SCARB1: variants seen among roughly 807,000 people sequenced by gnomAD.
SCARB1 encodes the protein CD36 and LIMPII analogous 1.
In SCARB1, 30 loss-of-function variants were observed where a neutral mutation model predicts 57.2. The ratio of observed to expected loss-of-function variants is 0.52; its 90% CI spans 0.39 to 0.71. The LOEUF (loss-of-function observed/expected upper bound fraction) is 0.71. SCARB1 is among the 30% of genes least tolerant of loss of function. The pLI is 0.00. For missense variants in SCARB1, 543 were observed against 671.2 expected, an observed-to-expected ratio of 0.81 and a Z score of 2.11; for synonymous variants, 249 against 268.3, an observed-to-expected ratio of 0.93 and a Z score of 0.70.
chr12:124,799,345 C>T (rs11057818), intron 8 of SCARB1, among the ~76,000 whole-genome samples: 27,093 of 151,806 alleles, frequency 0.18, 4,734 homozygotes, highest in East Asian at 0.48. Context: ...GGCAACATGG[C>T]AAAACCGCGT....
At chr12:124,824,935 T>C (rs922002062) in intron 1 of SCARB1, among the ~76,000 whole-genome samples, 5 of 152,176 alleles carry the variant, frequency 3.3e-5, no homozygotes, top group African/African-American at 9.6e-5. Flanking sequence ...TTTAAAATGC[T>C]GATCCCAGGC....
At position 124,816,216 on chromosome 12, in the gene SCARB1, T is replaced by C. The variant is rs1044551824; in HGVS notation, c.285-1102A>G. 2.0e-5 allele frequency among the ~76,000 whole-genome samples: 3 copies of C among 150,152 alleles called. No homozygotes were observed. The South Asian group carries it at 6.3e-4, about 31-fold the overall frequency. Reference sequence around the variant, plus strand: ...CACTGTTTTGTCTGCACAATACTGATGGCTGCCTGATTTCCCCTTATTTGT... The same window carrying C: ...CACTGTTTTGTCTGCACAATACTGACGGCTGCCTGATTTCCCCTTATTTGT... On this transcript the variant is annotated intron_variant, in intron 2 of 12. Coordinates refer to ENST00000261693, the MANE Select transcript of SCARB1 (RefSeq NM_005505.5).
intron 1 of SCARB1, among the ~76,000 whole-genome samples, chr12:124,827,842 G>A (rs770554780): frequency 7.2e-5 from 11 of 152,010 alleles, no homozygotes; most frequent in Non-Finnish European, 1.5e-4. Context: ...TGTGGCCTTC[G>A]AGCACACGGT....
rs1487868339 is a variant in SCARB1, at chr12:124,812,202, G to A, written c.631-237C>T. Among the ~76,000 whole-genome samples, 1 of 152,142 alleles carries A rather than the reference G, an allele frequency of 6.6e-6. No individual in the cohort carries two copies. Among genetic ancestry groups the A allele is most frequent in the African/African-American group, 2.4e-5 (1 of 41,424 alleles). ...TTCCACCCTCCCTTCCTAACTCCAG[G>A]AGAGTCTGGCTTTCCTCCCAGGTAA... is the stretch of plus-strand genomic sequence containing the variant. On this transcript the variant is annotated intron_variant, in intron 4 of 12. Transcript: ENST00000261693. This position sits in a 1 kb window ranked among gnomAD's most constrained non-coding sequence, Gnocchi z 4.3.
At chr12:124,861,698 C>G (rs1047059076) in intron 1 of SCARB1, among the ~76,000 whole-genome samples, 7 of 152,236 alleles carry the variant, frequency 4.6e-5, no homozygotes, top group African/African-American at 1.7e-4. Flanking sequence ...TTCCTGCCTT[C>G]ACACCACTCG....
chr12:124,805,955 C>A (rs1469181201), intron 7 of SCARB1, among the ~76,000 whole-genome samples: 1 of 152,090 alleles, frequency 6.6e-6, no homozygotes, highest in Non-Finnish European at 1.5e-5. Context: ...CTGTGCTATC[C>A]AAGACAGTAG....
rs1469583262 is a variant in SCARB1 at position 124,810,186 on chromosome 12, G to A, written c.830C>T (p.Pro277Leu). The A allele has an allele frequency of 7.4e-6, 12 of 1,611,882 alleles. No homozygotes were observed. Among genetic ancestry groups the A allele is most frequent in the African/African-American group, 1.3e-5 (1 of 74,986 alleles). Reference protein sequence around the residue: ...TPESSLEFYSPEACRSMKLMY... With the variant: ...TPESSLEFYSLEACRSMKLMY... ...TCCCAGTGATTACCGGCAGGCCTCC[G>A]GGCTGTAGAACTCCAGCGAGGACTC... The change falls in exon 6 of 13, where the codon CCG becomes CTG. Residue 277 changes from proline to leucine, a missense_variant. By Grantham distance (98) the Pro-to-Leu change is moderately conservative. Coordinates refer to ENST00000261693, the MANE Select transcript of SCARB1 (RefSeq NM_005505.5). The surrounding 1 kb of genome is among the most constrained non-coding windows in gnomAD (Gnocchi z 4.0).
chr12:124,811,507 A>C (rs530091217), intron 5 of SCARB1, among the ~76,000 whole-genome samples: 26 of 152,290 alleles, frequency 1.7e-4, no homozygotes, highest in African/African-American at 5.5e-4. Flanking sequence ...TCCTGACCTC[A>C]GGTGATCCCC....
chr12:124,859,447 T>C (rs1165955772), intron 1 of SCARB1, among the ~76,000 whole-genome samples: 1 of 151,786 alleles, frequency 6.6e-6, no homozygotes, highest in African/African-American at 2.4e-5. Context: ...AGGAGAATGG[T>C]GTGAACCCAG....
rs755120613 is a variant in SCARB1 at position 124,817,019 on chromosome 12, CATGT to C, written c.284+527_284+530del. Among the ~76,000 whole-genome samples the C allele has an allele frequency of 1.7e-5, 2 of 116,408 alleles. No homozygotes were observed. The highest frequency in any genetic ancestry group is 7.1e-5 in the African/African-American group (2 of 28,014). The allele number at this position is 116,408 out of a possible 152,430, so 76.4% of individuals were successfully genotyped here. ...GGGTCGGTCCCTGCTCCTGGTCATG[CATGT>C]GTGTGTGTGTGTGTGTGTGTGTGTG... On this transcript the variant is annotated intron_variant, in intron 2 of 12. Coordinates refer to ENST00000261693, the MANE Select transcript of SCARB1 (RefSeq NM_005505.5). The surrounding 1 kb of genome is among the most constrained non-coding windows in gnomAD (Gnocchi z 4.8).
chr12:124,814,234 G>C lies in SCARB1; in HGVS notation c.598C>G (p.Pro200Ala). The part of the protein sequence containing the change: ...LINKYFPGMF[P>A]FKDKFGLFAE... The stretch of plus-strand genomic sequence containing the variant: ...AATAATCCGAACTTGTCCTTGAAGG[G>C]GAACATGCCTGGAAAGTACTTGTTG... The change falls in exon 4 of 13, where the codon CCC becomes GCC. Residue 200 changes from proline to alanine, a missense_variant. Transcript: ENST00000261693. The surrounding 1 kb of genome is among the most constrained non-coding windows in gnomAD (Gnocchi z 4.7). 6.2e-7 allele frequency: 1 copy of C among 1,614,166 alleles called. No homozygotes were observed. The highest frequency in any genetic ancestry group is 8.5e-7 in the Non-Finnish European group (1 of 1,180,024).
intron 1 of SCARB1, among the ~76,000 whole-genome samples, chr12:124,862,864 A>T (rs1461354565): frequency 6.6e-6 from 1 of 152,226 alleles, no homozygotes; most frequent in Non-Finnish European, 1.5e-5. Context: ...TTGAAAGGGC[A>T]ATGGTATGCA....
intron 8 of SCARB1, among the ~76,000 whole-genome samples, chr12:124,797,637 T>C (rs1949987528): frequency 6.6e-6 from 1 of 152,122 alleles, no homozygotes; most frequent in Non-Finnish European, 1.5e-5. Context: ...AGAAAATCCG[T>C]GCCCTGAAAG....
In SCARB1 at chr12:124,800,251, G is replaced by A; in HGVS notation, c.1010-9C>T. 6.3e-7 allele frequency: 1 copy of A among 1,579,988 alleles called. No individual in the cohort carries two copies. Among genetic ancestry groups the A allele is most frequent in the Non-Finnish European group, 8.7e-7 (1 of 1,149,338 alleles). On this transcript the variant is annotated splice_polypyrimidine_tract_variant and intron_variant, in intron 7 of 12. Transcript: ENST00000261693. The surrounding 1 kb of genome is among the most constrained non-coding windows in gnomAD (Gnocchi z 4.8). ...GAGAAACAAGGGGGCACCTAGAAGA[G>A]GGGCAGGGAGGGGACATCAGACAAG...
At chr12:124,842,902 A>C (rs1360769570) in intron 1 of SCARB1, among the ~76,000 whole-genome samples, 1 of 152,240 alleles carries the variant, frequency 6.6e-6, no homozygotes, top group Non-Finnish European at 1.5e-5. Flanking sequence ...CCCAGCCAAG[A>C]GGCAGAAAAG....
At chr12:124,816,262 C>T (rs1950712549) in intron 2 of SCARB1, among the ~76,000 whole-genome samples, 1 of 150,660 alleles carries the variant, frequency 6.6e-6, no homozygotes, top group Non-Finnish European at 1.5e-5. Context: ...ACTCTCTCCC[C>T]ATCAGAACAT....
At position 124,837,468 on chromosome 12, in the gene SCARB1, AAAGAAAGGAAGG is replaced by A. The variant is rs752198844; in HGVS notation, c.127-19773_127-19762del. 0.014 allele frequency among the ~76,000 whole-genome samples: 1,743 copies of A among 121,586 alleles called. 127 individuals carry two copies. In the East Asian group the frequency reaches 0.24, roughly 17 times the overall value. The allele number at this position is 121,586 out of a possible 152,430, so 79.8% of individuals were successfully genotyped here. Reference sequence around the variant, plus strand: ...AAAAGAAAGAAAGAAGGAAAGAAAGAAAGAAAGGAAGGAAGGAAGGAAGGAAGGAAGGAAGGG... The same window carrying A: ...AAAAGAAAGAAAGAAGGAAAGAAAGAAAGGAAGGAAGGAAGGAAGGAAGGG... On this transcript the variant is annotated intron_variant, in intron 1 of 12. Transcript: ENST00000261693.
intron 1 of SCARB1, among the ~76,000 whole-genome samples, chr12:124,820,962 G>A (rs1031350380): frequency 6.6e-6 from 1 of 152,032 alleles, no homozygotes; most frequent in Non-Finnish European, 1.5e-5. Context: ...GCAAAACAAG[G>A]CCCAGTGCGG....
intron 1 of SCARB1, chr12:124,840,110 TCTCA>T (rs1248184362): frequency 4.9e-6 from 6 of 1,229,890 alleles, no homozygotes; most frequent in Non-Finnish European, 5.3e-6. Context: ...TATGAGTGTG[TCTCA>T]CTGATTCTCA....
Sources: allele counts gnomAD v4.1 joint callset (sites outside exome capture counted in the v4.1 genomes callset), GRCh38; gene constraint gnomAD v4.1.1; non-coding constraint Gnocchi (gnomAD v3.1); transcripts MANE v1.5; gene names NCBI Gene and HGNC (gene_info 2026-07-23, HGNC 2026-07-21).